Variants in ARHGAP28 observed in about 807,000 individuals in gnomAD.
ARHGAP28 encodes Rho GTPase activating protein 28.
Under a neutral mutation model 90.7 loss-of-function variants are expected in ARHGAP28, and 56 were observed. The ratio of observed to expected loss-of-function variants is 0.62; its 90% CI spans 0.50 to 0.77. The LOEUF is 0.77. Among genes scored for constraint, ARHGAP28 ranks in the 30% least tolerant of loss-of-function variants. ARHGAP28 has a pLI of 0.00. For synonymous variants in ARHGAP28, 308 were observed against 323.3 expected (o/e 0.95, Z 0.51); for missense variants, 869 against 900.9 (o/e 0.96, Z 0.45).
chr18:6,901,299 T>C (rs989719465), intron 16 of ARHGAP28, among the ~76,000 whole-genome samples: 3 of 152,196 alleles, frequency 2.0e-5, no homozygotes, highest in African/African-American at 7.2e-5. Context: ...CATCATCTGA[T>C]ACATTGCTCA....
rs571687545 is a variant in ARHGAP28 at position 6,850,359 on chromosome 18, A to G, written c.544-675A>G. On this transcript the variant is annotated intron_variant, in intron 3 of 17. Coordinates refer to ENST00000383472, the MANE Select transcript of ARHGAP28 (RefSeq NM_001366230.1). The stretch of plus-strand genomic sequence containing the variant: ...GGTTTACAAACCATTGCAAAATACA[A>G]TCACAAAGTCTGGCTTTAAAATAGC... Among the ~76,000 whole-genome samples, 4 of 152,360 alleles carry G rather than the reference A, an allele frequency of 2.6e-5. No individual in the cohort carries two copies. In the South Asian group the frequency reaches 8.3e-4, roughly 32 times the overall value.
At chr18:6,732,888 G>A (rs1200531771) in intron 1 of ARHGAP28, among the ~76,000 whole-genome samples, 1 of 152,068 alleles carries the variant, frequency 6.6e-6, no homozygotes, top group African/African-American at 2.4e-5. Flanking sequence ...ATCAGGTGTT[G>A]TTGCTGTAAA....
In ARHGAP28 at chr18:6,873,731, CGAAA is replaced by C. The variant is rs1319203275; in HGVS notation, c.1175_1178del (p.Lys392ThrfsTer4). 1 of 1,613,432 alleles carries C rather than the reference CGAAA, an allele frequency of 6.2e-7. No homozygotes were observed. The highest frequency in any genetic ancestry group is 8.5e-7 in the Non-Finnish European group (1 of 1,179,906). On this transcript the variant is annotated frameshift_variant, in exon 9 of 18. Transcript: ENST00000383472. LOFTEE classifies it high-confidence loss of function. ...ACTTACAGTCCTCCTGGACGGTGAC[CGAAA>C]GAAAGACCCTGGAGTGAAAGTTCCC... is the stretch of plus-strand genomic sequence containing the variant.
intron 1 of ARHGAP28, among the ~76,000 whole-genome samples, chr18:6,755,731 G>T (rs1010816224): frequency 8.6e-5 from 13 of 151,990 alleles, no homozygotes; most frequent in Admixed American, 7.9e-4. Flanking sequence ...AGAACATGTG[G>T]TCATCTTATG....
At chr18:6,875,679 A>G (rs547461395) in intron 9 of ARHGAP28, among the ~76,000 whole-genome samples, 9 of 152,318 alleles carry the variant, frequency 5.9e-5, no homozygotes, top group South Asian at 4.1e-4. Context: ...CACGAAAGCT[A>G]TTAATCTTTA....
chr18:6,902,981 A>C (rs1461065949), intron 16 of ARHGAP28, among the ~76,000 whole-genome samples: 1 of 152,242 alleles, frequency 6.6e-6, no homozygotes, highest in African/African-American at 2.4e-5. Context: ...TGATTCAGCC[A>C]TAAAAAGGAA....
intron 16 of ARHGAP28, among the ~76,000 whole-genome samples, chr18:6,907,959 T>G (rs1446100715): frequency 6.6e-6 from 1 of 152,062 alleles, no homozygotes; most frequent in Non-Finnish European, 1.5e-5. Flanking sequence ...GCCAGGACAA[T>G]CATTTGAAGT....
At chr18:6,882,101 G>C (rs116340070) in intron 10 of ARHGAP28, 36 bp from the exon 11 acceptor site, 1 of 1,574,834 alleles carries the variant, frequency 6.3e-7, no homozygotes, top group African/African-American at 1.4e-5. Flanking sequence ...GGTGGTAAAA[G>C]TGCATTGAAT....
At chr18:6,875,880 T>C (rs1600275160) in intron 9 of ARHGAP28, among the ~76,000 whole-genome samples, 1 of 152,174 alleles carries the variant, frequency 6.6e-6, no homozygotes, top group East Asian at 1.9e-4. Context: ...CGAACTTGAG[T>C]CAGTGCCGTT....
intron 1 of ARHGAP28, among the ~76,000 whole-genome samples, chr18:6,740,323 G>C (rs1354803702): frequency 6.6e-6 from 1 of 152,186 alleles, no homozygotes; most frequent in African/African-American, 2.4e-5. Context: ...GATCAGTTCT[G>C]TTCTAAATCG....
At chr18:6,774,371 A>G (rs1337925122) in intron 1 of ARHGAP28, 4 of 152,110 alleles carry the variant, frequency 2.6e-5, no homozygotes, top group African/African-American at 9.7e-5. Context: ...AGGGGCTTAT[A>G]GTTTTATTAT....
In ARHGAP28 at chr18:6,912,550, C is replaced by T. The variant is rs1177705892; in HGVS notation, c.*396C>T. The T allele has an allele frequency of 6.5e-6, 1 of 153,190 alleles. No individual in the cohort carries two copies. Among genetic ancestry groups the T allele is most frequent in the Admixed American group, 6.5e-5 (1 of 15,314 alleles). The allele number at this position is 153,190 out of a possible 1,614,324, so 9.5% of individuals were successfully genotyped here. On this transcript the variant is annotated 3_prime_UTR_variant, in exon 18 of 18. Transcript: ENST00000383472. The stretch of plus-strand genomic sequence containing the variant: ...GAGGTGAAAGAGACCCTTTTTTATA[C>T]TTAATGTACATATATTGACTTTTTG...
intron 16 of ARHGAP28, among the ~76,000 whole-genome samples, chr18:6,907,685 A>G (rs2057371484): frequency 6.6e-6 from 1 of 152,170 alleles, no homozygotes; most frequent in Non-Finnish European, 1.5e-5. Context: ...GAATGTGGCT[A>G]TAAAGAGGCA....
At chr18:6,825,385 C>G (rs1250834431) in intron 2 of ARHGAP28, among the ~76,000 whole-genome samples, 1 of 151,912 alleles carries the variant, frequency 6.6e-6, no homozygotes, top group Non-Finnish European at 1.5e-5. Flanking sequence ...GAAATTTTAG[C>G]AGTATAATTG....
At chr18:6,742,707 G>A (rs1177977300) in intron 1 of ARHGAP28, among the ~76,000 whole-genome samples, 1 of 152,136 alleles carries the variant, frequency 6.6e-6, no homozygotes, top group African/African-American at 2.4e-5. Flanking sequence ...CAGCATTTGG[G>A]GGATGGTTAA....
In ARHGAP28 at chr18:6,764,105, A is replaced by C. The variant is rs1003857646; in HGVS notation, c.122+34162A>C. On this transcript the variant is annotated intron_variant, in intron 1 of 17. Coordinates refer to ENST00000383472, the MANE Select transcript of ARHGAP28 (RefSeq NM_001366230.1). The stretch of plus-strand genomic sequence containing the variant: ...GTCCATGGAAGGAGTCCTCGTAGAC[A>C]TGAAAGAATGAGGTAATAATTTCAG... Among the ~76,000 whole-genome samples, 8 of 152,314 alleles carry C rather than the reference A, an allele frequency of 5.3e-5. No homozygotes were observed. In the East Asian group the frequency reaches 1.5e-3, roughly 29 times the overall value.
chr18:6,874,813 GGCTGTGCCAGT>G (rs2057118395), intron 9 of ARHGAP28: 1 of 151,986 alleles, frequency 6.6e-6, no homozygotes, highest in African/African-American at 2.4e-5. Context: ...CCCTAGGCAG[GGCTGTGCCAGT>G]GCTGTTTATG....
chr18:6,912,158 A>G lies in ARHGAP28; in HGVS notation c.*4A>G. ...TAAACCCCAACAAAGTTCTTAAAAT[A>G]TCCTCGAGAGAGCTGCTATCATGTA... On this transcript the variant is annotated 3_prime_UTR_variant, in exon 18 of 18. Transcript: ENST00000383472. 2 of 1,546,780 alleles carry G rather than the reference A, an allele frequency of 1.3e-6. No homozygotes were observed. Among genetic ancestry groups the G allele is most frequent in the Non-Finnish European group, 1.8e-6 (2 of 1,123,100 alleles).
At chr18:6,888,041 T>A (rs778016743) in intron 12 of ARHGAP28, among the ~76,000 whole-genome samples, 2 of 152,228 alleles carry the variant, frequency 1.3e-5, no homozygotes, top group Non-Finnish European at 2.9e-5. Context: ...TGAAAATAAT[T>A]CAATTTAAAT....
Sources: allele counts gnomAD v4.1 joint callset (sites outside exome capture counted in the v4.1 genomes callset), GRCh38; gene constraint gnomAD v4.1.1; transcripts MANE v1.5; gene names NCBI Gene and HGNC (gene_info 2026-07-23, HGNC 2026-07-21).